Variants in HS6ST2 observed in about 807,000 individuals in gnomAD.
HS6ST2 encodes heparan-sulfate 6-O-sulfotransferase 2.
Under a neutral mutation model 33.0 loss-of-function variants are expected in HS6ST2, and 17 were observed. The observed-to-expected ratio is 0.52, with a 90% CI of 0.35 to 0.77. The LOEUF (loss-of-function observed/expected upper bound fraction) is 0.77, where lower values mean the gene tolerates loss of function less well. HS6ST2 is among the 30% of genes least tolerant of loss of function. HS6ST2 has a pLI of 0.01. For synonymous variants in HS6ST2, 248 were observed against 237.1 expected, an observed-to-expected ratio of 1.05 and a Z score of -0.42; for missense variants, 519 against 551.7, an observed-to-expected ratio of 0.94 and a Z score of 0.59.
chrX:132,789,989 T>A (rs760278307), intron 2 of HS6ST2, among the ~76,000 whole-genome samples: 2 of 112,488 alleles, frequency 1.8e-5, no homozygotes, highest in East Asian at 5.6e-4. Flanking sequence ...CGTGTTGAAA[T>A]GACAAGAAAA....
intron 2 of HS6ST2, among the ~76,000 whole-genome samples, chrX:132,823,463 T>C (rs745374885): frequency 9.1e-6 from 1 of 110,244 alleles, no homozygotes; most frequent in South Asian, 4.0e-4. Context: ...AAGTCCACTG[T>C]ATCACTCTGC....
chrX:132,727,537 G>A (rs768041427), intron 2 of HS6ST2, among the ~76,000 whole-genome samples: 5 of 111,491 alleles, frequency 4.5e-5, no homozygotes, highest in African/African-American at 6.5e-5. Context: ...CCAGGCTTGG[G>A]TTCCTTATTC....
chrX:132,681,714 CATG>C (rs2063972915), intron 3 of HS6ST2, among the ~76,000 whole-genome samples: 1 of 112,428 alleles, frequency 8.9e-6, no homozygotes, highest in Non-Finnish European at 1.9e-5. Flanking sequence ...TCCTGAAAGT[CATG>C]ATATCATCTC....
At chrX:132,782,875 G>A (rs1235521508) in intron 2 of HS6ST2, among the ~76,000 whole-genome samples, 1 of 111,776 alleles carries the variant, frequency 8.9e-6, no homozygotes, top group East Asian at 2.8e-4. Flanking sequence ...TGACCTACAG[G>A]AGTACTGCTT....
At chrX:132,943,475 T>C (rs1041606730) in intron 2 of HS6ST2, among the ~76,000 whole-genome samples, 1 of 110,934 alleles carries the variant, frequency 9.0e-6, no homozygotes, top group South Asian at 3.8e-4. Flanking sequence ...TTCCAATCAA[T>C]AGAAAAAGAG....
At chrX:132,916,585 GC>G (rs2066594342) in intron 2 of HS6ST2, among the ~76,000 whole-genome samples, 3 of 112,117 alleles carry the variant, frequency 2.7e-5, no homozygotes, top group African/African-American at 9.7e-5. Flanking sequence ...CCAACTGGCT[GC>G]CAGCGTGGCT....
At chrX:132,699,718 G>A (rs2064128891) in intron 3 of HS6ST2, among the ~76,000 whole-genome samples, 1 of 111,732 alleles carries the variant, frequency 8.9e-6, no homozygotes, top group African/African-American at 3.2e-5. Flanking sequence ...GTGGATTATG[G>A]TCTAAAAGGT....
At chrX:132,867,605 G>C (rs965763935) in intron 2 of HS6ST2, among the ~76,000 whole-genome samples, 5 of 111,549 alleles carry the variant, frequency 4.5e-5, no homozygotes, top group Non-Finnish European at 7.5e-5. Context: ...GAATCCATCT[G>C]GTCCTGAACT....
chrX:132,948,043 T>C lies in HS6ST2; in HGVS notation c.947+8765A>G, dbSNP rs1282759483. 8.0e-5 allele frequency among the ~76,000 whole-genome samples: 9 copies of C among 112,025 alleles called. No homozygotes were observed. The Admixed American group carries it at 8.6e-4, about 11-fold the overall frequency. On this transcript the variant is annotated intron_variant, in intron 2 of 4. Coordinates refer to ENST00000370833, the MANE Select transcript of HS6ST2 (RefSeq NM_001394073.1). ...TTGAGGTAAATCAATACACCGCACA[T>C]TTCAATTGCTCTGTATTCGCACAGA...
intron 2 of HS6ST2, among the ~76,000 whole-genome samples, chrX:132,891,606 A>G (rs1436313316): frequency 1.6e-4 from 18 of 109,811 alleles, no homozygotes; most frequent in African/African-American, 5.6e-4. Context: ...TCATTGTTCA[A>G]TTCCCACCTA....
intron 3 of HS6ST2, among the ~76,000 whole-genome samples, chrX:132,671,355 G>T (rs2063875540): frequency 9.0e-6 from 1 of 110,806 alleles, no homozygotes; most frequent in Non-Finnish European, 1.9e-5. Flanking sequence ...TGTTTTTGAT[G>T]TGTCTCATGC....
At chrX:132,711,137 A>G (rs2064228147) in intron 2 of HS6ST2, among the ~76,000 whole-genome samples, 1 of 112,052 alleles carries the variant, frequency 8.9e-6, no homozygotes. Context: ...TAAGCATCCA[A>G]TAAGCAGGGA....
chrX:132,873,573 A>G (rs746928134), intron 2 of HS6ST2, among the ~76,000 whole-genome samples: 1 of 112,231 alleles, frequency 8.9e-6, no homozygotes, highest in South Asian at 3.7e-4. Flanking sequence ...CTGTGTATGC[A>G]TAAATGAAAT....
intron 2 of HS6ST2, among the ~76,000 whole-genome samples, chrX:132,805,371 C>G (rs1156702593): frequency 9.0e-6 from 1 of 111,348 alleles, no homozygotes; most frequent in Admixed American, 9.6e-5. Context: ...GGGGAGAAGT[C>G]TCGGGTCTGA....
At chrX:132,710,683 T>C (rs1449654491) in intron 2 of HS6ST2, among the ~76,000 whole-genome samples, 1 of 112,007 alleles carries the variant, frequency 8.9e-6, no homozygotes, top group East Asian at 2.8e-4. Flanking sequence ...AATTCTCTTT[T>C]GGATTGGAAG....
intron 2 of HS6ST2, among the ~76,000 whole-genome samples, chrX:132,756,010 A>G (rs753812920): frequency 6.3e-5 from 7 of 111,542 alleles, no homozygotes; most frequent in South Asian, 3.8e-4. Flanking sequence ...GAATCTCCCA[A>G]TGGAGCCACG....
chrX:132,724,137 AAAAAGAAAAGAAAAGAAAAG>A (rs200784395), intron 2 of HS6ST2, among the ~76,000 whole-genome samples: 5 of 104,031 alleles, frequency 4.8e-5, no homozygotes, highest in East Asian at 3.0e-4. Flanking sequence ...ACTCCATTTC[AAAAAGAAAAGAAAAGAAAAG>A]AAAAGAAAAG....
At chrX:132,669,037 A>G in intron 4 of HS6ST2, 76 bp downstream of exon 4, 2 of 641,313 alleles carry the variant, frequency 3.1e-6, no homozygotes, top group Non-Finnish European at 5.0e-6. Flanking sequence ...AATGAATATG[A>G]ATAAATGACA....
intron 2 of HS6ST2, among the ~76,000 whole-genome samples, chrX:132,942,983 C>A (rs967719303): frequency 8.9e-6 from 1 of 112,071 alleles, no homozygotes; most frequent in African/African-American, 3.2e-5. Context: ...TTTTCTCTAG[C>A]GCCTTTTTTC....
Sources: gnomAD v4.1 joint callset for allele counts (sites outside exome capture counted in the v4.1 genomes callset) on GRCh38, gnomAD v4.1.1 for gene constraint, MANE v1.5 for transcripts, NCBI Gene and HGNC (gene_info 2026-07-23, HGNC 2026-07-21) for gene names.